The following LARP1B variants were observed in gnomAD, a reference collection of about 807,000 sequenced individuals.
LARP1B encodes the protein la-related protein 1B.
In LARP1B, 76 loss-of-function variants were observed where a neutral mutation model predicts 114.2. The ratio of observed to expected loss-of-function variants is 0.67; its 90% CI spans 0.55 to 0.81. The LOEUF (loss-of-function observed/expected upper bound fraction) is 0.81, where lower values mean the gene tolerates loss of function less well. Among genes scored for constraint, LARP1B ranks in the 30% least tolerant of loss-of-function variants. The pLI, the probability that LARP1B is intolerant of heterozygous loss-of-function variation, is 0.00. For missense variants in LARP1B, 1,014 were observed against 1,075.8 expected (o/e 0.94, Z 0.80); for synonymous variants, 345 against 348.0 (o/e 0.99, Z 0.10).
chr4:128,123,393 A>G (rs920065823), intron 11 of LARP1B: 198 of 967,866 alleles, frequency 2.0e-4, no homozygotes, highest in Middle Eastern at 5.3e-4. Context: ...AGTAATACCT[A>G]TCTTAAATCC....
intron 7 of LARP1B, chr4:128,093,033 T>C: frequency 1.0e-6 from 1 of 985,360 alleles, no homozygotes; most frequent in Non-Finnish European, 1.2e-6. Flanking sequence ...GCCTCTAAGG[T>C]AGGACTTGAT....
intron 15 of LARP1B, among the ~76,000 whole-genome samples, chr4:128,195,595 G>A (rs1753805729): frequency 6.6e-6 from 1 of 152,134 alleles, no homozygotes; most frequent in Non-Finnish European, 1.5e-5. Context: ...TTAATGTAAA[G>A]AACTTCTCAG....
Position 128,134,118 on chromosome 4 carries a change from A to C in LARP1B, c.1524+11930A>C, listed in dbSNP as rs375707531. On this transcript the variant is annotated intron_variant, in intron 11 of 19. Transcript: ENST00000326639. ...TGGGCTCATGCAATCCTCTCACCTC[A>C]GCCTCCAGAGTAGTTGGGACTACAG... Among the ~76,000 whole-genome samples, 5 of 151,152 alleles carry C rather than the reference A, an allele frequency of 3.3e-5. No individual in the cohort carries two copies. The East Asian group carries it at 9.7e-4, about 29-fold the overall frequency.
intron 4 of LARP1B, among the ~76,000 whole-genome samples, chr4:128,079,536 T>G (rs1471070660): frequency 6.6e-6 from 1 of 151,876 alleles, no homozygotes; most frequent in Admixed American, 6.6e-5. Context: ...TTTCTTCCTG[T>G]TTCTTTTTTT....
chr4:128,208,834 T>C (rs998068639), intron 19 of LARP1B, among the ~76,000 whole-genome samples: 8 of 152,222 alleles, frequency 5.3e-5, no homozygotes, highest in African/African-American at 1.7e-4. Context: ...AGTCTCATCA[T>C]AGGAATTCTA....
intron 4 of LARP1B, among the ~76,000 whole-genome samples, chr4:128,080,743 G>GA (rs1384651070): frequency 6.6e-6 from 1 of 152,064 alleles, no homozygotes; most frequent in Non-Finnish European, 1.5e-5. Flanking sequence ...TAGTCATCAA[G>GA]AAAAGTTAAA....
At chr4:128,171,023 T>G (rs1232341361) in intron 12 of LARP1B, among the ~76,000 whole-genome samples, 1 of 152,102 alleles carries the variant, frequency 6.6e-6, no homozygotes, top group African/African-American at 2.4e-5. Flanking sequence ...CTCTAGGGGT[T>G]GCAAAACACA....
chr4:128,221,325 A>T (rs998542945), intron 7 of LARP1B, among the ~76,000 whole-genome samples: 1 of 152,190 alleles, frequency 6.6e-6, no homozygotes, highest in Non-Finnish European at 1.5e-5. Flanking sequence ...TAGGGTTATT[A>T]TTGACAACTG....
intron 11 of LARP1B, among the ~76,000 whole-genome samples, chr4:128,126,092 A>C (rs1789495689): frequency 6.6e-6 from 1 of 151,954 alleles, no homozygotes; most frequent in Admixed American, 6.6e-5. Flanking sequence ...AACAGGCAGC[A>C]GAAACATACC....
chr4:128,154,494 C>T (rs960316156), intron 11 of LARP1B, among the ~76,000 whole-genome samples: 10 of 152,152 alleles, frequency 6.6e-5, no homozygotes, highest in Admixed American at 5.9e-4. Context: ...TTGGCTTTTA[C>T]ATATTTTCAT....
At chr4:128,158,013 G>A (rs1736610893) in intron 11 of LARP1B, among the ~76,000 whole-genome samples, 1 of 152,092 alleles carries the variant, frequency 6.6e-6, no homozygotes. Context: ...CAACGCTGGT[G>A]TAACTCTATT....
At chr4:128,216,967 A>C (rs1487180026), downstream of LARP1B, among the ~76,000 whole-genome samples, 2 of 151,462 alleles carry the variant, frequency 1.3e-5, no homozygotes, top group Non-Finnish European at 3.0e-5. Flanking sequence ...GGATATCACC[A>C]CCGATCCCAC....
intron 14 of LARP1B, 157 bp from the exon 15 acceptor site, chr4:128,179,249 G>A (rs1286554851): frequency 6.7e-6 from 3 of 449,370 alleles, no homozygotes; most frequent in East Asian, 7.1e-5. Flanking sequence ...TGTAACTTGT[G>A]TGTGAGATTT....
chr4:128,093,936 C>A (rs1237471891), intron 7 of LARP1B, among the ~76,000 whole-genome samples: 1 of 151,942 alleles, frequency 6.6e-6, no homozygotes, highest in Non-Finnish European at 1.5e-5. Context: ...GTCTCAAACT[C>A]CTGTCCTCAG....
chr4:128,108,205 A>T (rs1187411317), intron 9 of LARP1B: 1 of 1,196,708 alleles, frequency 8.4e-7, no homozygotes, highest in Non-Finnish European at 1.0e-6. Context: ...AAAGTTAATT[A>T]TTATTATTCT....
chr4:128,108,681 A>T (rs1483491565), intron 9 of LARP1B: 1 of 983,604 alleles, frequency 1.0e-6, no homozygotes, highest in African/African-American at 1.7e-5. Context: ...TTGTTAAGAT[A>T]TAATGGGTGA....
chr4:128,200,107 T>A (rs74287079), intron 16 of LARP1B, among the ~76,000 whole-genome samples: 3,296 of 152,222 alleles, frequency 0.022, 73 homozygotes, highest in East Asian at 0.1. Flanking sequence ...AAAAAATTTA[T>A]TATACTCTTC....
chr4:128,085,339 C>T (rs1356287215), intron 5 of LARP1B, among the ~76,000 whole-genome samples: 1 of 137,088 alleles, frequency 7.3e-6, no homozygotes, highest in Non-Finnish European at 1.6e-5. Context: ...ACTTTTCAAA[C>T]AAGCCTTAGC....
chr4:128,196,381 T>C (rs1754129199), intron 15 of LARP1B, among the ~76,000 whole-genome samples: 2 of 150,536 alleles, frequency 1.3e-5, no homozygotes, highest in Admixed American at 6.6e-5. Flanking sequence ...TAGCCAGGCA[T>C]AGTGGTACTT....
Sources: allele counts gnomAD v4.1 joint callset (sites outside exome capture counted in the v4.1 genomes callset), GRCh38; gene constraint gnomAD v4.1.1; transcripts MANE v1.5; gene names NCBI Gene and HGNC (gene_info 2026-07-23, HGNC 2026-07-21).